The following ADI1 variants were observed in gnomAD, a reference collection of about 807,000 sequenced individuals.
ADI1 encodes the protein acireductone dioxygenase 1, also known as acireductone dioxygenase.
Under a neutral mutation model 18.7 loss-of-function variants are expected in ADI1, and 21 were observed. That is an observed-to-expected ratio of 1.13 (90% CI 0.80 to 1.62). The LOEUF (loss-of-function observed/expected upper bound fraction) is 1.62. ADI1 is among the 40% of genes most tolerant of loss of function. The pLI is 0.00. For missense variants in ADI1, 245 were observed against 254.9 expected, an observed-to-expected ratio of 0.96 and a Z score of 0.26; for synonymous variants, 90 against 100.1, an observed-to-expected ratio of 0.90 and a Z score of 0.60.
At chr2:3,499,569 C>T (rs1432997011) in intron 3 of ADI1, among the ~76,000 whole-genome samples, 1 of 152,146 alleles carries the variant, frequency 6.6e-6, no homozygotes, top group Non-Finnish European at 1.5e-5. Context: ...CAGAAAAACA[C>T]ACAGAAGTGC....
intron 2 of ADI1, among the ~76,000 whole-genome samples, chr2:3,511,249 C>A (rs1233887483): frequency 6.6e-6 from 1 of 152,170 alleles, no homozygotes; most frequent in Non-Finnish European, 1.5e-5. Context: ...CTGTAAGCTT[C>A]CTGAGGCCTC....
At chr2:3,510,480 G>A (rs1464747976) in intron 2 of ADI1, among the ~76,000 whole-genome samples, 1 of 151,986 alleles carries the variant, frequency 6.6e-6, no homozygotes, top group Non-Finnish European at 1.5e-5. Context: ...ACAAAAAATA[G>A]AAAAAGAGAA....
intron 1 of ADI1, chr2:3,515,302 T>C (rs539714053): frequency 1.8e-3 from 288 of 156,156 alleles, no homozygotes; most frequent in Non-Finnish European, 2.2e-3. Context: ...GGGAGGTCTA[T>C]AAACAGCTGC....
intron 3 of ADI1, chr2:3,500,470 A>AGACAACCCCAGG: frequency 2.2e-6 from 1 of 448,556 alleles, no homozygotes. Context: ...ACAACCCTAG[A>AGACAACCCCAGG]GATGCCTCAC....
At position 3,499,055 on chromosome 2, in the gene ADI1, C is replaced by A. The variant is rs746234400; in HGVS notation, c.448G>T (p.Val150Leu). 3.7e-6 allele frequency: 6 copies of A among 1,614,102 alleles called. No individual in the cohort carries two copies. Among genetic ancestry groups the A allele is most frequent in the Non-Finnish European group, 4.2e-6 (5 of 1,179,922 alleles). Residue 150 changes from valine (V) to leucine (L), a missense_variant, in exon 4 of 4, where the codon GTG becomes TTG. Physicochemically the swap from Val to Leu is conservative, Grantham distance 32. Coordinates refer to ENST00000327435, the MANE Select transcript of ADI1 (RefSeq NM_018269.4). The part of the protein sequence containing the change: ...KNYTKAMRLF[V>L]GEPVWTAYNR... ...TACGCTGTCCACACCGGTTCTCCCA[C>A]AAACAGCCGCATGGCCTTCGTGTAG...
At chr2:3,504,551 A>C (rs1667129092) in intron 2 of ADI1, among the ~76,000 whole-genome samples, 1 of 152,268 alleles carries the variant, frequency 6.6e-6, no homozygotes, top group South Asian at 2.1e-4. Flanking sequence ...GTGGACTCTA[A>C]CCAGGAAGAA....
At chr2:3,503,483 TCATG>T (rs55775341) in intron 2 of ADI1, among the ~76,000 whole-genome samples, 2,710 of 48,604 alleles carry the variant, frequency 0.056, 1,122 homozygotes, top group African/African-American at 0.44. Flanking sequence ...GCATTCACAC[TCATG>T]CACACGTACA....
chr2:3,504,861 G>A (rs1021971213), intron 2 of ADI1, among the ~76,000 whole-genome samples: 4 of 151,622 alleles, frequency 2.6e-5, no homozygotes, highest in South Asian at 2.1e-4. Context: ...GTTCACCTGC[G>A]TATGTTTGTA....
At chr2:3,503,685 A>G (rs999376620) in intron 2 of ADI1, among the ~76,000 whole-genome samples, 1 of 152,226 alleles carries the variant, frequency 6.6e-6, no homozygotes. Flanking sequence ...GACCCCGCAC[A>G]AGGTCAGGAA....
intron 2 of ADI1, among the ~76,000 whole-genome samples, chr2:3,507,783 G>A (rs563297418): frequency 1.0e-3 from 155 of 152,250 alleles, no homozygotes; most frequent in South Asian, 8.7e-3. Flanking sequence ...TGATCTAATC[G>A]ATAACTGTTT....
chr2:3,514,774 G>C (rs1460683604), intron 1 of ADI1: 1 of 1,544,128 alleles, frequency 6.5e-7, no homozygotes, highest in Non-Finnish European at 8.7e-7. Context: ...TTTATGTTTT[G>C]CAATAAACTG....
chr2:3,501,662 G>A (rs1454727415), intron 2 of ADI1, among the ~76,000 whole-genome samples: 1 of 151,806 alleles, frequency 6.6e-6, no homozygotes, highest in African/African-American at 2.4e-5. Context: ...CAAGTAGCTG[G>A]GATTACAGGT....
At chr2:3,501,958 A>C (rs1667029906) in intron 2 of ADI1, among the ~76,000 whole-genome samples, 1 of 151,472 alleles carries the variant, frequency 6.6e-6, no homozygotes, top group Non-Finnish European at 1.5e-5. Flanking sequence ...TGCCCTTATA[A>C]TCTGATTCTG....
intron 1 of ADI1, chr2:3,514,860 C>A (rs774727133): frequency 1.3e-6 from 2 of 1,547,640 alleles, no homozygotes; most frequent in South Asian, 2.4e-5. Flanking sequence ...ATGGAGGGAC[C>A]GGCTGGAGCC....
chr2:3,511,931 G>A (rs191448695), intron 2 of ADI1, among the ~76,000 whole-genome samples: 3 of 152,344 alleles, frequency 2.0e-5, no homozygotes, highest in Non-Finnish European at 4.4e-5. Context: ...ATGCCCTAGG[G>A]ATCTGCGGAA....
Position 3,502,028 on chromosome 2 carries a change from C to T in ADI1, c.241-1035G>A, listed in dbSNP as rs1230981736. 6.8e-4 allele frequency among the ~76,000 whole-genome samples: 70 copies of T among 102,942 alleles called. 1 individual carries two copies. Among genetic ancestry groups the T allele is most frequent in the East Asian group, 1.5e-3 (6 of 3,882 alleles). 67.5% of individuals were successfully genotyped at this position (102,942 alleles called of 152,430 possible). A position where few individuals can be genotyped will look rare whatever the true frequency, so the allele number is the denominator to read the frequency against. ...ACACACACACACACACACACACACA[C>T]ACACACACACACACAGAGACAGGGT... is the stretch of plus-strand genomic sequence containing the variant. On this transcript the variant is annotated intron_variant, in intron 2 of 3. Transcript: ENST00000327435.
chr2:3,509,725 C>T (rs1488356568), intron 2 of ADI1, among the ~76,000 whole-genome samples: 3 of 151,860 alleles, frequency 2.0e-5, no homozygotes, highest in Admixed American at 6.6e-5. Flanking sequence ...ACTAAACCCC[C>T]GTACTAAGGA....
At chr2:3,513,613 A>G (rs2103211906) in intron 2 of ADI1, among the ~76,000 whole-genome samples, 1 of 152,254 alleles carries the variant, frequency 6.6e-6, no homozygotes, top group East Asian at 1.9e-4. Flanking sequence ...CTGCCATGTA[A>G]GCTTCCTGAG....
intron 2 of ADI1, among the ~76,000 whole-genome samples, chr2:3,505,491 AACAGTG>A (rs1667157226): frequency 6.6e-6 from 1 of 152,212 alleles, no homozygotes; most frequent in Admixed American, 6.5e-5. Context: ...ACTGGGTCCC[AACAGTG>A]AGTATCAGGG....
Sources: allele counts gnomAD v4.1 joint callset (sites outside exome capture counted in the v4.1 genomes callset), GRCh38; gene constraint gnomAD v4.1.1; transcripts MANE v1.5; gene names NCBI Gene and HGNC (gene_info 2026-07-23, HGNC 2026-07-21).